NRG1: variants seen among roughly 807,000 people sequenced by gnomAD.
The protein encoded by NRG1 is neuregulin 1, also known as pro-neuregulin-1, membrane-bound isoform.
Under a neutral mutation model 63.8 loss-of-function variants are expected in NRG1, and 18 were observed. The ratio of observed to expected loss-of-function variants is 0.28; its 90% CI spans 0.19 to 0.42. NRG1 has a LOEUF of 0.42. NRG1 is among the 10% of genes least tolerant of loss of function. NRG1 has a pLI of 1.00. For missense variants in NRG1, 762 were observed against 814.7 expected, an observed-to-expected ratio of 0.94 and a Z score of 0.79; for synonymous variants, 302 against 301.3, an observed-to-expected ratio of 1.00 and a Z score of -0.02.
chr8:32,237,881 C>T (rs916794154), intron 1 of NRG1, among the ~76,000 whole-genome samples: 2 of 152,098 alleles, frequency 1.3e-5, no homozygotes, highest in African/African-American at 2.4e-5. Context: ...GTTTTTCCTC[C>T]TGCATTTTAT....
At chr8:32,555,635 C>T (rs1446930077) in intron 1 of NRG1, among the ~76,000 whole-genome samples, 3 of 152,136 alleles carry the variant, frequency 2.0e-5, no homozygotes, top group Non-Finnish European at 4.4e-5. Flanking sequence ...CCACGCCCGG[C>T]TGATTTTTTG....
intron 1 of NRG1, among the ~76,000 whole-genome samples, chr8:31,660,013 G>A (rs544046986): frequency 5.9e-5 from 9 of 152,210 alleles, no homozygotes; most frequent in Admixed American, 3.9e-4. Flanking sequence ...GAGGGGTTAC[G>A]GAATTTGCCC....
chr8:31,997,133 T>C (rs536875653), intron 1 of NRG1, among the ~76,000 whole-genome samples: 5 of 150,850 alleles, frequency 3.3e-5, no homozygotes, highest in African/African-American at 1.2e-4. Flanking sequence ...AATATGGGCA[T>C]TTTTTTATCA....
intron 1 of NRG1, among the ~76,000 whole-genome samples, chr8:31,897,688 G>C (rs1405005756): frequency 6.6e-6 from 1 of 152,002 alleles, no homozygotes; most frequent in African/African-American, 2.4e-5. Context: ...TAGGTCTTTA[G>C]ACTATAACTT....
At chr8:32,689,416 T>A (rs1005580234) in intron 5 of NRG1, among the ~76,000 whole-genome samples, 6 of 152,192 alleles carry the variant, frequency 3.9e-5, no homozygotes, top group African/African-American at 7.2e-5. Context: ...AGATTGCTTC[T>A]AGAACTAAAC....
chr8:32,544,192 A>C (rs1330796554), upstream of NRG1, among the ~76,000 whole-genome samples: 1 of 152,100 alleles, frequency 6.6e-6, no homozygotes, highest in Non-Finnish European at 1.5e-5. Flanking sequence ...GGAATCACTA[A>C]AAGTGAATTT....
intron 1 of NRG1, among the ~76,000 whole-genome samples, chr8:32,237,309 A>C (rs903740516): frequency 3.9e-5 from 6 of 152,162 alleles, no homozygotes; most frequent in African/African-American, 1.4e-4. Context: ...AGACTTCATT[A>C]TGTCCACTTT....
chr8:31,976,027 C>T (rs758825813), intron 1 of NRG1, among the ~76,000 whole-genome samples: 38 of 151,990 alleles, frequency 2.5e-4, no homozygotes, highest in Non-Finnish European at 4.7e-4. Flanking sequence ...GCTAAAAGAC[C>T]CTTGGGAGCT....
At chr8:32,439,911 A>ACCACAGGTGCACCCCTCCAGTAGCTGG (rs1819312977) in intron 1 of NRG1, among the ~76,000 whole-genome samples, 2 of 151,658 alleles carry the variant, frequency 1.3e-5, no homozygotes, top group African/African-American at 2.4e-5. Flanking sequence ...CCAGTAGCTG[A>ACCACAGGTGCACCCCTCCAGTAGCTGG]GACCACAGGT....
chr8:32,543,920 A>C (rs117559667), upstream of NRG1, among the ~76,000 whole-genome samples: 3,346 of 152,252 alleles, frequency 0.022, 47 homozygotes, highest in Middle Eastern at 0.048. Context: ...TAATAAACTC[A>C]ACATGCATGT....
intron 1 of NRG1, among the ~76,000 whole-genome samples, chr8:32,415,260 T>C (rs1242607399): frequency 2.0e-5 from 3 of 150,998 alleles, no homozygotes; most frequent in Non-Finnish European, 4.4e-5. Flanking sequence ...ATACAAAAAT[T>C]AGCCAGGTGT....
chr8:31,998,091 T>C (rs327331), intron 1 of NRG1, among the ~76,000 whole-genome samples: 118,752 of 151,884 alleles, frequency 0.78, 46,867 homozygotes, highest in African/African-American at 0.8. Context: ...ATATCACTTA[T>C]GGCAATAAGA....
chr8:32,587,797 A>C (rs952295669), intron 1 of NRG1, among the ~76,000 whole-genome samples: 2 of 152,160 alleles, frequency 1.3e-5, no homozygotes, highest in Non-Finnish European at 2.9e-5. Flanking sequence ...CAGTCAGGAA[A>C]TAGCCTAACC....
intron 1 of NRG1, among the ~76,000 whole-genome samples, chr8:32,314,503 A>G (rs1206926578): frequency 1.3e-5 from 2 of 152,210 alleles, no homozygotes; most frequent in Non-Finnish European, 2.9e-5. Flanking sequence ...AATAAGCCTA[A>G]TGACCTCTAC....
Position 32,496,536 on chromosome 8 carries a change from G to C in NRG1, c.38-99292G>C, listed in dbSNP as rs576613545. 3.3e-5 allele frequency among the ~76,000 whole-genome samples: 5 copies of C among 152,252 alleles called. No individual in the cohort carries two copies. In the South Asian group the frequency reaches 1.0e-3, roughly 32 times the overall value. On this transcript the variant is annotated intron_variant, in intron 1 of 10. Coordinates refer to the NRG1 transcript ENST00000519301. The stretch of plus-strand genomic sequence containing the variant: ...GCCCAGGATGTCAAGATTGCGGTGA[G>C]CTATGATTGAGCCACTGCACTCCAG...
intron 5 of NRG1, among the ~76,000 whole-genome samples, chr8:32,695,679 CG>C (rs1469740567): frequency 6.6e-6 from 1 of 152,074 alleles, no homozygotes; most frequent in Non-Finnish European, 1.5e-5. Flanking sequence ...GACACTGTGC[CG>C]GGTATGTGTG....
intron 1 of NRG1, among the ~76,000 whole-genome samples, chr8:32,309,248 T>C (rs716144): frequency 0.24 from 36,990 of 152,036 alleles, 5,287 homozygotes; most frequent in South Asian, 0.39. Flanking sequence ...GACTTGGAAC[T>C]GGAGGCTACA....
intron 1 of NRG1, among the ~76,000 whole-genome samples, chr8:32,250,864 T>C (rs2129470275): frequency 6.6e-6 from 1 of 152,206 alleles, no homozygotes. Flanking sequence ...AGACAAATGA[T>C]GACAATGTAA....
At chr8:32,091,648 C>T (rs1369578701) in intron 1 of NRG1, among the ~76,000 whole-genome samples, 4 of 152,044 alleles carry the variant, frequency 2.6e-5, no homozygotes, top group Non-Finnish European at 5.9e-5. Context: ...AAGGGCAAGA[C>T]TGGAGTAGGA....
Sources: gnomAD v4.1 joint callset for allele counts (sites outside exome capture counted in the v4.1 genomes callset) on GRCh38, gnomAD v4.1.1 for gene constraint, MANE v1.5 for transcripts, NCBI Gene and HGNC (gene_info 2026-07-23, HGNC 2026-07-21) for gene names.